The following PIWIL3 variants were observed in gnomAD, a reference collection of about 807,000 sequenced individuals.
The protein encoded by PIWIL3 is piwi-like protein 3.
PIWIL3 carries 101 observed loss-of-function variants against 109.7 expected under a neutral mutation model. That is an observed-to-expected ratio of 0.92 (90% CI 0.78 to 1.09). The LOEUF (loss-of-function observed/expected upper bound fraction) is 1.09, where lower values mean the gene tolerates loss of function less well. PIWIL3 is among the 50% of genes least tolerant of loss of function. PIWIL3 has a pLI of 0.00. For synonymous variants in PIWIL3, 373 were observed against 376.4 expected, an observed-to-expected ratio of 0.99 and a Z score of 0.10; for missense variants, 1,031 against 1,072.6, an observed-to-expected ratio of 0.96 and a Z score of 0.54.
chr22:24,767,267 G>A lies in PIWIL3; in HGVS notation c.-22-4746C>T, dbSNP rs559823550. On this transcript the variant is annotated intron_variant, in intron 1 of 20. Coordinates refer to ENST00000616349, the MANE Select transcript of PIWIL3 (RefSeq NM_001255975.1). ...AAATTCCTGGCCAGCTGGGCGGGGT[G>A]ACTCAGGCCTGCAATCCCAGCACTT... 8.5e-5 allele frequency among the ~76,000 whole-genome samples: 13 copies of A among 152,156 alleles called. No individual in the cohort carries two copies. The East Asian group carries it at 2.5e-3, about 29-fold the overall frequency.
At chr22:24,758,181 C>T (rs1925208060) in intron 3 of PIWIL3, 142 bp from the exon 4 acceptor site, 1 of 1,039,254 alleles carries the variant, frequency 9.6e-7, no homozygotes, top group African/African-American at 1.6e-5. Context: ...TATGTTGCCG[C>T]AAAAGCGTAA....
At chr22:24,753,915 A>T in intron 8 of PIWIL3, 99 bp downstream of exon 8, 1 of 1,046,408 alleles carries the variant, frequency 9.6e-7, no homozygotes, top group South Asian at 1.6e-5. Flanking sequence ...CTACTCCTCA[A>T]CTTCAACATT....
chr22:24,767,163 G>A (rs577265383), intron 1 of PIWIL3, among the ~76,000 whole-genome samples: 10 of 151,746 alleles, frequency 6.6e-5, no homozygotes, highest in African/African-American at 2.2e-4. Flanking sequence ...ACTGTCTATG[G>A]TGCAGCAGTA....
intron 16 of PIWIL3, among the ~76,000 whole-genome samples, chr22:24,726,025 T>C (rs946936082): frequency 6.6e-6 from 1 of 152,184 alleles, no homozygotes; most frequent in African/African-American, 2.4e-5. Context: ...TCTGACCACC[T>C]GACATTGTGA....
At chr22:24,754,252 T>A in intron 7 of PIWIL3, 35 bp from the exon 8 acceptor site, 1 of 1,566,940 alleles carries the variant, frequency 6.4e-7, no homozygotes, top group South Asian at 1.1e-5. Context: ...TAGTCCGATC[T>A]CTTCACATAA....
intron 12 of PIWIL3, among the ~76,000 whole-genome samples, chr22:24,736,867 G>C (rs1320393278): frequency 2.0e-5 from 3 of 152,208 alleles, no homozygotes; most frequent in Non-Finnish European, 4.4e-5. Context: ...CCACCCATAG[G>C]GGGAACATTT....
At position 24,751,402 on chromosome 22, in the gene PIWIL3, T is replaced by G. The variant is rs780294646; in HGVS notation, c.1074A>C (p.Ile358=). ...AGTTTCATACCTGCCTGTAGTAGTC[T>G]ATATAGGTGATTTTGCTGCCATCTG... The part of the protein sequence containing the change: ...NKSDGSKITY[I]DYYRQQHKEI... The change falls in exon 9 of 21, where the codon ATA becomes ATC. Residue 358 remains isoleucine, a synonymous_variant. Coordinates refer to ENST00000616349, the MANE Select transcript of PIWIL3 (RefSeq NM_001255975.1). The G allele has an allele frequency of 1.2e-6, 2 of 1,613,398 alleles. No homozygotes were observed. Among genetic ancestry groups the G allele is most frequent in the Non-Finnish European group, 1.7e-6 (2 of 1,179,804 alleles).
At chr22:24,763,199 C>A (rs1925553465) in intron 1 of PIWIL3, among the ~76,000 whole-genome samples, 1 of 150,664 alleles carries the variant, frequency 6.6e-6, no homozygotes, top group Admixed American at 6.6e-5. Context: ...GGCTGGAGTG[C>A]AGTGGCGCAA....
At position 24,756,718 on chromosome 22, in the gene PIWIL3, G is replaced by A. The variant is rs1268946341; in HGVS notation, c.356-13C>T. ...GTACCCTCTGAACCTGAAAAATGGA[G>A]CCACATGACAATAAAGAAACAGACT... On this transcript the variant is annotated splice_polypyrimidine_tract_variant and intron_variant, in intron 4 of 20. Coordinates refer to ENST00000616349, the MANE Select transcript of PIWIL3 (RefSeq NM_001255975.1). 2.5e-6 allele frequency: 4 copies of A among 1,596,826 alleles called. No homozygotes were observed. The highest frequency in any genetic ancestry group is 1.3e-5 in the African/African-American group (1 of 74,482).
intron 1 of PIWIL3, among the ~76,000 whole-genome samples, chr22:24,764,512 C>A (rs564779694): frequency 1.3e-5 from 2 of 152,164 alleles, no homozygotes; most frequent in African/African-American, 4.8e-5. Flanking sequence ...GATCCGCTGT[C>A]ATGGGTAAAC....
chr22:24,725,143 G>C (rs1922915606), intron 17 of PIWIL3, 106 bp from the exon 18 acceptor site: 1 of 1,328,748 alleles, frequency 7.5e-7, no homozygotes, highest in African/African-American at 1.5e-5. Context: ...AGCTTTCAGG[G>C]CAATTTTACT....
intron 1 of PIWIL3, among the ~76,000 whole-genome samples, chr22:24,762,985 T>C (rs1925532891): frequency 6.6e-6 from 1 of 152,080 alleles, no homozygotes; most frequent in African/African-American, 2.4e-5. Flanking sequence ...ATCCAAACCA[T>C]AGCACCTGGT....
At chr22:24,758,639 G>C (rs770771294) in intron 3 of PIWIL3, among the ~76,000 whole-genome samples, 15 of 152,190 alleles carry the variant, frequency 9.9e-5, no homozygotes, top group African/African-American at 3.6e-4. Flanking sequence ...TGGCCAAGAC[G>C]TCTGTGCCTT....
Position 24,719,799 on chromosome 22 carries a change from AT to A in PIWIL3, c.2453del (p.Asp818ValfsTer6). 6.2e-7 allele frequency: 1 copy of A among 1,613,162 alleles called. No individual in the cohort carries two copies. The highest frequency in any genetic ancestry group is 8.5e-7 in the Non-Finnish European group (1 of 1,179,066). On this transcript the variant is annotated frameshift_variant, in exon 20 of 21. Coordinates refer to ENST00000616349, the MANE Select transcript of PIWIL3 (RefSeq NM_001255975.1). LOFTEE classifies it high-confidence loss of function. ...VIYDTIGLSP[D>X]TVQRLTYCLC... ...GACAATATGTTAAACGCTGTACTGTATCTGGGCTCAAGCCAATCGTGTCATA... is the reference window on the plus strand; with the variant it reads ...GACAATATGTTAAACGCTGTACTGTACTGGGCTCAAGCCAATCGTGTCATA...
chr22:24,764,312 G>A (rs1925654446), intron 1 of PIWIL3, among the ~76,000 whole-genome samples: 1 of 152,182 alleles, frequency 6.6e-6, no homozygotes, highest in African/African-American at 2.4e-5. Flanking sequence ...AACCATTCCT[G>A]GATTTACCTG....
chr22:24,745,021 G>T (rs1442864336), intron 12 of PIWIL3, among the ~76,000 whole-genome samples: 1 of 152,082 alleles, frequency 6.6e-6, no homozygotes, highest in Non-Finnish European at 1.5e-5. Context: ...GACAAACAAA[G>T]CATCTTCTCT....
chr22:24,763,988 G>A (rs574110021), intron 1 of PIWIL3, among the ~76,000 whole-genome samples: 8 of 152,194 alleles, frequency 5.3e-5, no homozygotes, highest in Non-Finnish European at 1.0e-4. Context: ...GAGGCGCAAA[G>A]CCCCTTTTCC....
At position 24,766,533 on chromosome 22, in the gene PIWIL3, A is replaced by G. The variant is rs565254420; in HGVS notation, c.-22-4012T>C. 9.9e-4 allele frequency among the ~76,000 whole-genome samples: 150 copies of G among 151,942 alleles called. 2 individuals are homozygous for G. Among genetic ancestry groups the G allele is most frequent in the Admixed American group, 3.6e-3 (55 of 15,244 alleles). On this transcript the variant is annotated intron_variant, in intron 1 of 20. Transcript: ENST00000616349. ...GAGACGGGGTTTCGCCATGTTAGCC[A>G]GGATGGTCTTGATCTCCTGACCTTG...
chr22:24,735,984 A>T, intron 12 of PIWIL3, 92 bp from the exon 13 acceptor site: 2 of 1,042,522 alleles, frequency 1.9e-6, no homozygotes, highest in Middle Eastern at 3.3e-4. Context: ...GCTATCTCCT[A>T]TAGAAATGTT....
Sources: gnomAD v4.1 joint callset for allele counts (sites outside exome capture counted in the v4.1 genomes callset) on GRCh38, gnomAD v4.1.1 for gene constraint, MANE v1.5 for transcripts, NCBI Gene and HGNC (gene_info 2026-07-23, HGNC 2026-07-21) for gene names.